CDH18: variants seen among roughly 807,000 people sequenced by gnomAD.
The protein encoded by CDH18 is cadherin 18.
In CDH18, 31 loss-of-function variants were observed where a neutral mutation model predicts 67.9. The ratio of observed to expected loss-of-function variants is 0.46; its 90% CI spans 0.34 to 0.62. The LOEUF (loss-of-function observed/expected upper bound fraction) is 0.62. Among genes scored for constraint, CDH18 ranks in the 20% least tolerant of loss-of-function variants. The pLI is 0.01. For synonymous variants in CDH18, 362 were observed against 347.2 expected (o/e 1.04, Z -0.48); for missense variants, 890 against 975.5 (o/e 0.91, Z 1.17).
intron 2 of CDH18, among the ~76,000 whole-genome samples, chr5:19,940,714 A>G (rs1020063239): frequency 2.6e-5 from 4 of 151,976 alleles, no homozygotes; most frequent in Non-Finnish European, 4.4e-5. Flanking sequence ...TCCTCAGAGA[A>G]GGGTCCTCTA....
chr5:20,399,754 T>G (rs893862026), intron 1 of CDH18, among the ~76,000 whole-genome samples: 1 of 152,232 alleles, frequency 6.6e-6, no homozygotes, highest in African/African-American at 2.4e-5. Flanking sequence ...ACATTTTTAA[T>G]TATAGGCTTA....
At chr5:20,515,569 C>A (rs1308570882) in intron 1 of CDH18, among the ~76,000 whole-genome samples, 1 of 151,922 alleles carries the variant, frequency 6.6e-6, no homozygotes, top group African/African-American at 2.4e-5. Flanking sequence ...GAATAGGACC[C>A]AACAATTCCC....
rs932331083 is a variant in CDH18, at chr5:20,220,752, T to C, written c.-518+34692A>G. On this transcript the variant is annotated intron_variant, in intron 2 of 14. Transcript: ENST00000507958. ...TGACAAGGGATTAATAACCAGAATATATAAGGAGCCAGGCAACTCTATAGG... is the reference window on the plus strand; with the variant it reads ...TGACAAGGGATTAATAACCAGAATACATAAGGAGCCAGGCAACTCTATAGG... Among the ~76,000 whole-genome samples the C allele has an allele frequency of 2.6e-5, 4 of 151,862 alleles. No individual in the cohort carries two copies. The South Asian group carries it at 6.2e-4, about 24-fold the overall frequency.
intron 3 of CDH18, among the ~76,000 whole-genome samples, chr5:19,755,097 G>A (rs1249697519): frequency 6.6e-6 from 1 of 150,992 alleles, no homozygotes; most frequent in Non-Finnish European, 1.5e-5. Flanking sequence ...CATGCCTTAA[G>A]GAACTAGAGG....
chr5:19,539,542 CT>C (rs1749918209), intron 9 of CDH18, among the ~76,000 whole-genome samples: 1 of 152,122 alleles, frequency 6.6e-6, no homozygotes, highest in African/African-American at 2.4e-5. Flanking sequence ...TGAAATGCTT[CT>C]GGAGTTGATT....
intron 1 of CDH18, among the ~76,000 whole-genome samples, chr5:20,329,227 A>G (rs2150021954): frequency 6.6e-6 from 1 of 152,276 alleles, no homozygotes; most frequent in African/African-American, 2.4e-5. Flanking sequence ...GTTATATGGG[A>G]GGAACAAAGA....
chr5:19,840,025 G>A (rs1782097088), intron 2 of CDH18, among the ~76,000 whole-genome samples: 1 of 151,774 alleles, frequency 6.6e-6, no homozygotes, highest in African/African-American at 2.4e-5. Flanking sequence ...TTGGGAGGTC[G>A]AGGTGGGCAG....
chr5:20,361,866 T>C (rs1332479178), intron 1 of CDH18, among the ~76,000 whole-genome samples: 1 of 152,158 alleles, frequency 6.6e-6, no homozygotes, highest in East Asian at 1.9e-4. Context: ...ATATGTTTCA[T>C]AGTATATGCT....
At chr5:20,291,980 C>A (rs1023506016) in intron 1 of CDH18, among the ~76,000 whole-genome samples, 1 of 152,120 alleles carries the variant, frequency 6.6e-6, no homozygotes, top group African/African-American at 2.4e-5. Flanking sequence ...CTAGCCTCTC[C>A]TCTGTCATGT....
At chr5:19,970,346 T>A (rs1010589420) in intron 2 of CDH18, among the ~76,000 whole-genome samples, 2 of 151,750 alleles carry the variant, frequency 1.3e-5, no homozygotes, top group African/African-American at 2.4e-5. Flanking sequence ...TTATAATTTG[T>A]TAATAATAAA....
intron 2 of CDH18, among the ~76,000 whole-genome samples, chr5:20,139,846 C>A (rs984027229): frequency 6.6e-6 from 1 of 152,136 alleles, no homozygotes. Flanking sequence ...GTGGAGAAAT[C>A]AGAACACTTT....
At chr5:20,568,517 C>T (rs1581213272) in intron 1 of CDH18, among the ~76,000 whole-genome samples, 1 of 152,048 alleles carries the variant, frequency 6.6e-6, no homozygotes, top group Non-Finnish European at 1.5e-5. Context: ...TACCCTAAGA[C>T]CTCTGCCAGC....
chr5:19,997,699 G>T (rs1231987679), intron 2 of CDH18, among the ~76,000 whole-genome samples: 2 of 152,146 alleles, frequency 1.3e-5, no homozygotes, highest in Admixed American at 6.5e-5. Context: ...CAACCTAAGT[G>T]CAAGGTTTAT....
At chr5:20,511,328 G>T (rs1032910994) in intron 1 of CDH18, among the ~76,000 whole-genome samples, 9 of 152,018 alleles carry the variant, frequency 5.9e-5, no homozygotes, top group African/African-American at 2.2e-4. Context: ...TATACAGACA[G>T]ATAGCTCACA....
At chr5:19,595,187 G>C (rs1373350172) in intron 6 of CDH18, among the ~76,000 whole-genome samples, 1 of 151,998 alleles carries the variant, frequency 6.6e-6, no homozygotes, top group Non-Finnish European at 1.5e-5. Flanking sequence ...ATTTATAATA[G>C]CATTGAAATG....
At chr5:19,543,314 T>C (rs1449276560) in intron 9 of CDH18, among the ~76,000 whole-genome samples, 1 of 152,116 alleles carries the variant, frequency 6.6e-6, no homozygotes, top group Non-Finnish European at 1.5e-5. Context: ...TGGAATATTC[T>C]GGGTGGAGGT....
At chr5:20,413,975 G>T (rs1414907993) in intron 1 of CDH18, among the ~76,000 whole-genome samples, 3 of 152,022 alleles carry the variant, frequency 2.0e-5, no homozygotes, top group Admixed American at 2.0e-4. Context: ...AATCCATCTT[G>T]AATTAATTTT....
intron 2 of CDH18, among the ~76,000 whole-genome samples, chr5:20,005,529 T>C (rs1229581061): frequency 2.0e-5 from 3 of 151,862 alleles, no homozygotes; most frequent in Non-Finnish European, 2.9e-5. Flanking sequence ...TAGGAGACTG[T>C]TCTTTGTCAA....
chr5:19,709,743 C>T (rs1042013654), intron 5 of CDH18, among the ~76,000 whole-genome samples: 11 of 151,732 alleles, frequency 7.2e-5, no homozygotes, highest in Admixed American at 1.3e-4. Context: ...AAAGAAAAGG[C>T]ATATCCCAAA....
Sources: allele counts gnomAD v4.1 joint callset (sites outside exome capture counted in the v4.1 genomes callset), GRCh38; gene constraint gnomAD v4.1.1; transcripts MANE v1.5; gene names NCBI Gene and HGNC (gene_info 2026-07-23, HGNC 2026-07-21).